CABIN1: variants seen among roughly 807,000 people sequenced by gnomAD.
CABIN1 encodes the protein calcineurin binding protein 1.
Under a neutral mutation model 227.7 loss-of-function variants are expected in CABIN1, and 133 were observed. The observed-to-expected ratio is 0.58, with a 90% CI of 0.51 to 0.67. The LOEUF (loss-of-function observed/expected upper bound fraction) is 0.67. Among genes scored for constraint, CABIN1 ranks in the 30% least tolerant of loss-of-function variants. The pLI is 0.00. For missense variants in CABIN1, 2,408 were observed against 2,852.5 expected, an observed-to-expected ratio of 0.84 and a Z score of 3.55; for synonymous variants, 1,086 against 1,155.1, an observed-to-expected ratio of 0.94 and a Z score of 1.21.
chr22:24,067,761 T>C (rs1463693207), intron 16 of CABIN1, among the ~76,000 whole-genome samples: 1 of 152,138 alleles, frequency 6.6e-6, no homozygotes. Context: ...TCCTCATTTC[T>C]AGGATAGGGA....
intron 25 of CABIN1, among the ~76,000 whole-genome samples, chr22:24,097,133 G>A (rs1275204945): frequency 6.6e-6 from 1 of 152,128 alleles, no homozygotes; most frequent in African/African-American, 2.4e-5. Context: ...AGTCACAAAG[G>A]GCCCCCAACA....
At chr22:24,051,376 C>G (rs1444966474) in intron 8 of CABIN1, among the ~76,000 whole-genome samples, 1 of 152,084 alleles carries the variant, frequency 6.6e-6, no homozygotes, top group Non-Finnish European at 1.5e-5. Context: ...TCTCCGCTCT[C>G]AAGTCCATGT....
At chr22:24,172,059 GGA>G (rs2046845963) in intron 34 of CABIN1, 64 bp downstream of exon 34, 9 of 1,554,242 alleles carry the variant, frequency 5.8e-6, no homozygotes, top group Non-Finnish European at 7.8e-6. Context: ...CTCCCTGCGG[GGA>G]GAGTGTGAGT....
chr22:24,030,873 C>T (rs943745336), intron 1 of CABIN1, among the ~76,000 whole-genome samples: 5 of 152,108 alleles, frequency 3.3e-5, no homozygotes, highest in African/African-American at 4.8e-5. Flanking sequence ...GTCAGCTCTG[C>T]GATTGGACTT....
rs564034917 is a variant in CABIN1 at position 24,156,770 on chromosome 22, G to C, written c.4747-7630G>C. Among the ~76,000 whole-genome samples the C allele has an allele frequency of 2.0e-3, 310 of 152,316 alleles. 2 individuals carry two copies. Among genetic ancestry groups the C allele is most frequent in the Non-Finnish European group, 3.4e-3 (234 of 68,024 alleles). ...GTTAGGGGTAACGGTTGCATGGGAT[G>C]GGGGGTGGGCACATAGAGCCTACAG... On this transcript the variant is annotated intron_variant, in intron 29 of 36. Coordinates refer to ENST00000263119, the MANE Select transcript of CABIN1 (RefSeq NM_012295.4).
chr22:24,065,184 G>A (rs2039541083), intron 15 of CABIN1, among the ~76,000 whole-genome samples: 1 of 151,890 alleles, frequency 6.6e-6, no homozygotes. Context: ...TGGCTGCCGG[G>A]CGGAGACGCT....
Position 24,035,477 on chromosome 22 carries a change from A to G in CABIN1, c.-41A>G. 6.2e-7 allele frequency: 1 copy of G among 1,614,062 alleles called. No individual in the cohort carries two copies. ...TGGACTGGGGCAACCTTTGCCAGTG[A>G]TGAGAAGTGATGCTCGTGGCAGTGC... On this transcript the variant is annotated 5_prime_UTR_variant, in exon 2 of 37. The change abolishes an upstream ATG in the 5' untranslated region. Transcript: ENST00000263119.
chr22:24,014,702 A>G (rs539030953), intron 1 of CABIN1, among the ~76,000 whole-genome samples: 4 of 152,270 alleles, frequency 2.6e-5, no homozygotes, highest in Admixed American at 6.5e-5. Context: ...TGCGGTATGA[A>G]TTATGACTGA....
chr22:24,103,995 C>T (rs2042361191), intron 26 of CABIN1, among the ~76,000 whole-genome samples: 1 of 152,094 alleles, frequency 6.6e-6, no homozygotes, highest in African/African-American at 2.4e-5. Flanking sequence ...CCTGCAGGCC[C>T]ATTTAGACAT....
chr22:24,074,091 T>C lies in CABIN1; in HGVS notation c.2632+1581T>C, dbSNP rs191160294. On this transcript the variant is annotated intron_variant, in intron 18 of 36. Coordinates refer to ENST00000263119, the MANE Select transcript of CABIN1 (RefSeq NM_012295.4). ...GATAATTATTACCTCTGGTACCACA[T>C]TGTTCTCCAAAAGGATTTTAGTGGT... Among the ~76,000 whole-genome samples, 7 of 152,204 alleles carry C rather than the reference T, an allele frequency of 4.6e-5. No homozygotes were observed. The East Asian group carries it at 1.4e-3, about 29-fold the overall frequency.
At chr22:24,119,081 G>A (rs1235657662) in intron 27 of CABIN1, among the ~76,000 whole-genome samples, 2 of 152,238 alleles carry the variant, frequency 1.3e-5, no homozygotes, top group African/African-American at 4.8e-5. Context: ...CCGTTCAGAG[G>A]GGAAGACCCA....
chr22:24,138,314 C>T (rs1227304197), intron 29 of CABIN1, among the ~76,000 whole-genome samples: 1 of 152,182 alleles, frequency 6.6e-6, no homozygotes, highest in Non-Finnish European at 1.5e-5. Flanking sequence ...CCTTGGGGGC[C>T]CTACCTCAGC....
chr22:24,093,478 G>C (rs918020292), intron 24 of CABIN1, among the ~76,000 whole-genome samples: 2 of 152,112 alleles, frequency 1.3e-5, no homozygotes, highest in Non-Finnish European at 2.9e-5. Flanking sequence ...GGGAGGTGGA[G>C]GTTGCAGTGA....
At chr22:24,164,665 A>T (rs771035016) in intron 30 of CABIN1, 102 bp downstream of exon 30, 51 of 1,323,202 alleles carry the variant, frequency 3.9e-5, no homozygotes, top group Non-Finnish European at 5.3e-5. Context: ...TGTGAGGACC[A>T]CTGGCTGGGA....
At position 24,064,109 on chromosome 22, in the gene CABIN1, G is replaced by A; in HGVS notation, c.1959G>A (p.Val653=). ...TCCAGAGTTCCACCGCCATCCAGGT[G>A]GAGGCAGGGGCTGAACGAAGAGACA... ...EMLQSSTAIQ[V]EAGAERRDIV... Residue 653 remains valine, a synonymous_variant, in exon 15 of 37, where the codon GTG becomes GTA. Transcript: ENST00000263119. 6.2e-7 allele frequency: 1 copy of A among 1,614,210 alleles called. No individual in the cohort carries two copies. Among genetic ancestry groups the A allele is most frequent in the Non-Finnish European group, 8.5e-7 (1 of 1,180,032 alleles).
chr22:24,055,129 C>G lies in CABIN1; in HGVS notation c.1063C>G (p.Pro355Ala). Residue 355 changes from proline (P) to alanine (A), a missense_variant, in exon 9 of 37, where the codon CCT becomes GCT. Around this residue, in one of 3 missense-constraint regions of CABIN1, gnomAD observed 1,045 missense variants for 1,168.4 expected, o/e 0.89. Transcript: ENST00000263119. Reference protein sequence around the residue: ...VATTSFPLHSPGLLETGAPVG... With the variant: ...VATTSFPLHSAGLLETGAPVG... ...TACAACCAGCTTCCCACTGCACAGTCCTGGTCTGTTGGAGACAGGCGCTCC... is the reference window on the plus strand; with the variant it reads ...TACAACCAGCTTCCCACTGCACAGTGCTGGTCTGTTGGAGACAGGCGCTCC... The G allele has an allele frequency of 6.2e-7, 1 of 1,613,534 alleles. No homozygotes were observed.
At chr22:24,143,245 C>G (rs1227721440) in intron 29 of CABIN1, among the ~76,000 whole-genome samples, 1 of 152,264 alleles carries the variant, frequency 6.6e-6, no homozygotes, top group East Asian at 1.9e-4. Context: ...GCCCAGCTGT[C>G]CTAGACAGGA....
intron 10 of CABIN1, among the ~76,000 whole-genome samples, chr22:24,057,952 AT>A (rs2038925201): frequency 6.6e-6 from 1 of 152,168 alleles, no homozygotes. Flanking sequence ...CCCTAGTCCC[AT>A]TTACCTGGAT....
chr22:24,031,793 A>G (rs1253888438), intron 1 of CABIN1, among the ~76,000 whole-genome samples: 1 of 152,182 alleles, frequency 6.6e-6, no homozygotes, highest in East Asian at 1.9e-4. Flanking sequence ...AGTTCTGCTT[A>G]CTGGGAGTCA....
Sources: allele counts gnomAD v4.1 joint callset (sites outside exome capture counted in the v4.1 genomes callset), GRCh38; gene constraint gnomAD v4.1.1; regional missense constraint gnomAD v4.1.1; transcripts MANE v1.5; gene names NCBI Gene and HGNC (gene_info 2026-07-23, HGNC 2026-07-21).